TRIM21: variants seen among roughly 807,000 people sequenced by gnomAD.
TRIM21 encodes E3 ubiquitin-protein ligase TRIM21.
A neutral mutation model predicts 36.1 loss-of-function variants in TRIM21; 35 were observed. That is an observed-to-expected ratio of 0.97 (90% CI 0.74 to 1.28). TRIM21 has a LOEUF of 1.28. TRIM21 is among the 50% of genes most tolerant of loss of function. The pLI, the probability that TRIM21 is intolerant of heterozygous loss-of-function variation, is 0.00. For synonymous variants in TRIM21, 256 were observed against 211.5 expected, an observed-to-expected ratio of 1.21 and a Z score of -1.83; for missense variants, 635 against 570.7, an observed-to-expected ratio of 1.11 and a Z score of -1.15.
chr11:4,388,526 G>A lies in TRIM21; in HGVS notation c.509C>T (p.Thr170Ile). ...AATCCTAGATTTCTGTGTTTCCACTGTTTTCTTTAGTGTCAAGGGAAAGGG... is the reference window on the plus strand; with the variant it reads ...AATCCTAGATTTCTGTGTTTCCACTATTTTCTTTAGTGTCAAGGGAAAGGG... ...IAIKRADWKK[T>I]VETQKSRIHA... The change falls in exon 4 of 7, where the codon ACA becomes ATA. Residue 170 changes from threonine to isoleucine, a missense_variant. Thr to Ile is a moderately conservative substitution (Grantham distance 89). Coordinates refer to ENST00000254436, the MANE Select transcript of TRIM21 (RefSeq NM_003141.4). 1 of 1,606,966 alleles carries A rather than the reference G, an allele frequency of 6.2e-7. No homozygotes were observed.
In TRIM21 at chr11:4,386,070, C is replaced by T; in HGVS notation, c.859+87G>A. On this transcript the variant is annotated intron_variant, in intron 6 of 6. Transcript: ENST00000254436. ...TGTTCCCCCTGCTCTGACCTGCCAT[C>T]TCTCCTCCAAGTTGCCATCCAGGCT... The T allele has an allele frequency of 4.5e-6, 6 of 1,332,814 alleles. No individual in the cohort carries two copies. In the South Asian group the frequency reaches 6.1e-5, roughly 13 times the overall value. The allele number at this position is 1,332,814 out of a possible 1,614,324, so 82.6% of individuals were successfully genotyped here. A position where few individuals can be genotyped will look rare whatever the true frequency, so the allele number is the denominator to read the frequency against.
chr11:4,390,463 G>T lies in TRIM21; in HGVS notation c.-49-5C>A. 1 of 1,514,990 alleles carries T rather than the reference G, an allele frequency of 6.6e-7. No individual in the cohort carries two copies. Among genetic ancestry groups the T allele is most frequent in the Non-Finnish European group, 8.9e-7 (1 of 1,125,634 alleles). The allele number at this position is 1,514,990 out of a possible 1,614,324, so 93.8% of individuals were successfully genotyped here. A position where few individuals can be genotyped will look rare whatever the true frequency, so the allele number is the denominator to read the frequency against. On this transcript the variant is annotated splice_polypyrimidine_tract_variant and splice_region_variant and intron_variant, in intron 1 of 6. Transcript: ENST00000254436. ...GGAGACCTTTAGGGGGTTTGGCTGGGAGAGAAGAAGAAAGGGAAAAGAGAA... is the reference window on the plus strand; with the variant it reads ...GGAGACCTTTAGGGGGTTTGGCTGGTAGAGAAGAAGAAAGGGAAAAGAGAA...
intron 1 of TRIM21, among the ~76,000 whole-genome samples, chr11:4,390,740 C>G (rs1171927094): frequency 6.6e-6 from 1 of 152,036 alleles, no homozygotes; most frequent in East Asian, 1.9e-4. Flanking sequence ...ACACATAGAC[C>G]AGTAGAATAA....
At chr11:4,389,778 C>G (rs777118838) in intron 2 of TRIM21, 29 bp from the exon 3 acceptor site, 1 of 1,601,536 alleles carries the variant, frequency 6.2e-7, no homozygotes, top group Non-Finnish European at 8.6e-7. Flanking sequence ...TATTCGTCCC[C>G]CATGCAAACC....
intron 3 of TRIM21, 142 bp from the exon 4 acceptor site, chr11:4,388,672 C>G (rs186517565): frequency 2.6e-6 from 2 of 757,174 alleles, no homozygotes; most frequent in Admixed American, 2.4e-5. Flanking sequence ...CACACGCACA[C>G]GCGCGCACAC....
chr11:4,385,970 G>T, intron 6 of TRIM21, 117 bp from the exon 7 acceptor site: 1 of 1,158,790 alleles, frequency 8.6e-7, no homozygotes, highest in Non-Finnish European at 1.2e-6. Flanking sequence ...ACCTCCCTGT[G>T]TGAGGAAATG....
In TRIM21 at chr11:4,386,967, C is replaced by A; in HGVS notation, c.758+1G>T. Reference sequence around the variant, plus strand: ...TTCTAACAAAGAAAACTCCTCCTTACCTTTCCAGGACAATTATCACCTCCT... The same window carrying A: ...TTCTAACAAAGAAAACTCCTCCTTAACTTTCCAGGACAATTATCACCTCCT... On this transcript the variant is annotated splice_donor_variant, in intron 5 of 6. Transcript: ENST00000254436. LOFTEE classifies it high-confidence loss of function. 1 of 1,583,738 alleles carries A rather than the reference C, an allele frequency of 6.3e-7. No homozygotes were observed. Among genetic ancestry groups the A allele is most frequent in the African/African-American group, 1.3e-5 (1 of 74,524 alleles).
intron 1 of TRIM21, among the ~76,000 whole-genome samples, chr11:4,391,465 A>G (rs2094962964): frequency 6.6e-6 from 1 of 152,214 alleles, no homozygotes; most frequent in Non-Finnish European, 1.5e-5. Context: ...GTACACTCAT[A>G]TGCTGTTGGT....
At chr11:4,390,828 G>C (rs2094962259) in intron 1 of TRIM21, among the ~76,000 whole-genome samples, 3 of 152,172 alleles carry the variant, frequency 2.0e-5, no homozygotes, top group Admixed American at 2.0e-4. Context: ...GTGAGGAAAG[G>C]ACAGTCTCTT....
intron 1 of TRIM21, among the ~76,000 whole-genome samples, chr11:4,391,172 C>T (rs1482713927): frequency 2.0e-5 from 3 of 152,118 alleles, no homozygotes; most frequent in Non-Finnish European, 4.4e-5. Flanking sequence ...TGTAAACTAT[C>T]CATCTGACAA....
intron 1 of TRIM21, among the ~76,000 whole-genome samples, chr11:4,390,925 C>A (rs1252780663): frequency 1.3e-5 from 2 of 152,148 alleles, no homozygotes; most frequent in East Asian, 3.8e-4. Flanking sequence ...GAAATCAAAT[C>A]AAAATGGATT....
rs2133049663 is a variant in TRIM21, at chr11:4,385,451, TAGA to T, written c.1259_1261del (p.Phe420del). ...GAGGGAGCCATGGTCAGTGATGTTG[TAGA>T]AGGAGACCATGCCAGCCTCATAGTC... On this transcript the variant is annotated inframe_deletion, in exon 7 of 7. Coordinates refer to ENST00000254436, the MANE Select transcript of TRIM21 (RefSeq NM_003141.4). The T allele has an allele frequency of 1.2e-6, 2 of 1,613,100 alleles. No homozygotes were observed. The highest frequency in any genetic ancestry group is 4.5e-5 in the East Asian group (2 of 44,838).
chr11:4,390,373 C>T lies in TRIM21; in HGVS notation c.37G>A (p.Glu13Lys), dbSNP rs747272981. ...TCCAGGCAGATAGGGCATGTGACCT[C>T]CTCCCACATCATTGTCAAGCGTGCT... Reference protein sequence around the residue: ...SAARLTMMWEEVTCPICLDPF... With the variant: ...SAARLTMMWEKVTCPICLDPF... The change falls in exon 2 of 7, where the codon GAG becomes AAG. Residue 13 changes from glutamate (E) to lysine (K), a missense_variant. Physicochemically the swap from Glu to Lys is moderately conservative, Grantham distance 56. Transcript: ENST00000254436. 1.9e-6 allele frequency: 3 copies of T among 1,611,792 alleles called. No homozygotes were observed. Among genetic ancestry groups the T allele is most frequent in the Non-Finnish European group, 2.5e-6 (3 of 1,178,058 alleles).
chr11:4,390,432 C>T lies in TRIM21; in HGVS notation c.-23G>A. The T allele has an allele frequency of 6.3e-7, 1 of 1,589,848 alleles. No individual in the cohort carries two copies. Among genetic ancestry groups the T allele is most frequent in the South Asian group, 1.1e-5 (1 of 88,284 alleles). On this transcript the variant is annotated 5_prime_UTR_variant, in exon 2 of 7. Transcript: ENST00000254436. ...CATTGTCAAGTGTGCCGTTAAACAGCAGTGTGGAGACCTTTAGGGGGTTTG... is the reference window on the plus strand; with the variant it reads ...CATTGTCAAGTGTGCCGTTAAACAGTAGTGTGGAGACCTTTAGGGGGTTTG...
At chr11:4,389,329 G>A (rs2094959993) in intron 3 of TRIM21, among the ~76,000 whole-genome samples, 1 of 152,152 alleles carries the variant, frequency 6.6e-6, no homozygotes. Flanking sequence ...TAGGATATTT[G>A]TCTCACACAT....
intron 3 of TRIM21, 79 bp downstream of exon 3, chr11:4,389,575 C>G: frequency 6.7e-6 from 8 of 1,199,010 alleles, no homozygotes; most frequent in Middle Eastern, 1.9e-4. Context: ...GGCACAGCTA[C>G]GGTTAAGGCT....
chr11:4,392,035 A>G (rs532866575), intron 1 of TRIM21, among the ~76,000 whole-genome samples: 1 of 152,246 alleles, frequency 6.6e-6, no homozygotes, highest in African/African-American at 2.4e-5. Flanking sequence ...CAGGGTGACT[A>G]TAGTCAATAA....
Position 4,385,524 on chromosome 11 carries a change from G to C in TRIM21, c.1189C>G (p.Pro397Ala), listed in dbSNP as rs756475953. The C allele has an allele frequency of 1.2e-6, 2 of 1,611,750 alleles. No individual in the cohort carries two copies. Among genetic ancestry groups the C allele is most frequent in the East Asian group, 2.2e-5 (1 of 44,810 alleles). ...CATGGAGGCACCTGAAGGTGGAGGGGAGTCTGGGGGTAGGTGCCAGCCTCA... is the reference window on the plus strand; with the variant it reads ...CATGGAGGCACCTGAAGGTGGAGGGCAGTCTGGGGGTAGGTGCCAGCCTCA... ...KYEAGTYPQT[P>A]LHLQVPPCQV... The change falls in exon 7 of 7, where the codon CCC (proline) becomes GCC (alanine). Residue 397 changes from proline to alanine, a missense_variant. Transcript: ENST00000254436.
chr11:4,388,889 GA>G (rs35757167), intron 3 of TRIM21, among the ~76,000 whole-genome samples: 42,309 of 151,964 alleles, frequency 0.28, 7,036 homozygotes, highest in East Asian at 0.41. Context: ...GAGTTACTGA[GA>G]AAAAAATCAC....
Sources: gnomAD v4.1 joint callset for allele counts (sites outside exome capture counted in the v4.1 genomes callset) on GRCh38, gnomAD v4.1.1 for gene constraint, MANE v1.5 for transcripts, NCBI Gene and HGNC (gene_info 2026-07-23, HGNC 2026-07-21) for gene names.